The following ASNS variants were observed in gnomAD, a reference collection of about 807,000 sequenced individuals.
ASNS encodes asparagine synthetase [glutamine-hydrolyzing].
In ASNS, 37 loss-of-function variants were observed where a neutral mutation model predicts 62.6. That is an observed-to-expected ratio of 0.59 (90% confidence interval 0.45 to 0.78). ASNS has a LOEUF of 0.78. Among genes scored for constraint, ASNS ranks in the 30% least tolerant of loss-of-function variants. ASNS has a pLI of 0.00. For missense variants in ASNS, 520 were observed against 682.4 expected, an observed-to-expected ratio of 0.76 and a Z score of 2.65; for synonymous variants, 207 against 237.9, an observed-to-expected ratio of 0.87 and a Z score of 1.19.
chr7:97,869,158 G>C lies in ASNS; in HGVS notation c.-2C>G, dbSNP rs533879154. On this transcript the variant is annotated 5_prime_UTR_variant, in exon 3 of 13. Transcript: ENST00000394308. ...AAACAGCGCCCAAATGCCACACATG[G>C]TGCAATGAAGCTATAAGCTTTCTAT... 6.2e-7 allele frequency: 1 copy of C among 1,613,520 alleles called. No individual in the cohort carries two copies. The highest frequency in any genetic ancestry group is 1.3e-5 in the African/African-American group (1 of 75,044).
At chr7:97,925,547 C>G in the ASNS span, among the ~76,000 whole-genome samples, 1 of 152,106 alleles carries the variant, frequency 6.6e-6, no homozygotes, top group Non-Finnish European at 1.5e-5. Flanking sequence ...ACGGCCCCAC[C>G]ACCACCACCA....
At chr7:97,925,186 T>C in the ASNS span, among the ~76,000 whole-genome samples, 2 of 152,236 alleles carry the variant, frequency 1.3e-5, no homozygotes, top group African/African-American at 4.8e-5. Flanking sequence ...TTCCATGTAC[T>C]GTCTTATTAT....
the ASNS span, among the ~76,000 whole-genome samples, chr7:97,911,269 A>G: frequency 6.6e-6 from 1 of 152,156 alleles, no homozygotes; most frequent in South Asian, 2.1e-4. Context: ...AATCTATGTG[A>G]TGGGTATATG....
chr7:97,870,279 A>G, intron 1 of ASNS: 2 of 604,792 alleles, frequency 3.3e-6, no homozygotes, highest in South Asian at 2.4e-5. Flanking sequence ...GAGAATGTCA[A>G]TGGATACACC....
the ASNS span, among the ~76,000 whole-genome samples, chr7:97,916,072 G>A: frequency 6.6e-6 from 1 of 152,152 alleles, no homozygotes. Context: ...TTGAAGTCAT[G>A]ATAAGTATCC....
At chr7:97,885,919 TCTC>T in the ASNS span, 4 of 538,632 alleles carry the variant, frequency 7.4e-6, no homozygotes, top group African/African-American at 2.0e-5. Context: ...AATGATGGGC[TCTC>T]CTCCTCCTGG....
chr7:97,913,128 G>A, the ASNS span: 1 of 152,104 alleles, frequency 6.6e-6, no homozygotes, highest in Non-Finnish European at 1.5e-5. Flanking sequence ...CAGAGGACAT[G>A]TGAGGACAGG....
At chr7:97,924,308 G>A in the ASNS span, among the ~76,000 whole-genome samples, 1 of 152,198 alleles carries the variant, frequency 6.6e-6, no homozygotes, top group Non-Finnish European at 1.5e-5. Flanking sequence ...AGGGGGGGAT[G>A]CGAGAACTTC....
chr7:97,862,443 TG>T (rs1409927737), intron 4 of ASNS, among the ~76,000 whole-genome samples: 1 of 152,056 alleles, frequency 6.6e-6, no homozygotes, highest in Non-Finnish European at 1.5e-5. Flanking sequence ...CAGTAATGAC[TG>T]GGGGGTTAGG....
At chr7:97,883,713 C>T in the ASNS span, among the ~76,000 whole-genome samples, 27 of 152,286 alleles carry the variant, frequency 1.8e-4, no homozygotes, top group South Asian at 8.3e-4. Context: ...CTCGGCCGGG[C>T]GCGGTGGCTC....
chr7:97,917,031 A>T, the ASNS span, among the ~76,000 whole-genome samples: 3 of 152,070 alleles, frequency 2.0e-5, no homozygotes, highest in Non-Finnish European at 2.9e-5. Context: ...CCATCCTGGC[A>T]CCTACAGACA....
intron 4 of ASNS, among the ~76,000 whole-genome samples, chr7:97,861,078 G>A (rs1205759963): frequency 7.0e-6 from 1 of 143,606 alleles, no homozygotes; most frequent in African/African-American, 2.6e-5. Context: ...CTGGAGTGCA[G>A]TTGCGCGATC....
the ASNS span, among the ~76,000 whole-genome samples, chr7:97,896,756 A>ATATATATACTGCAG: frequency 9.7e-6 from 1 of 103,604 alleles, no homozygotes; most frequent in Non-Finnish European, 2.1e-5. Flanking sequence ...ATATATATAT[A>ATATATATACTGCAG]TATATATATA....
the ASNS span, among the ~76,000 whole-genome samples, chr7:97,888,866 G>A: frequency 3.9e-4 from 59 of 152,310 alleles, no homozygotes; most frequent in Non-Finnish European, 1.0e-4. Flanking sequence ...TGACTCATCT[G>A]CCTCCAGAGC....
At chr7:97,860,480 G>A (rs1791662079) in intron 4 of ASNS, among the ~76,000 whole-genome samples, 1 of 152,134 alleles carries the variant, frequency 6.6e-6, no homozygotes, top group South Asian at 2.1e-4. Context: ...AGCAGTCCTG[G>A]CAACTGACAT....
the ASNS span, among the ~76,000 whole-genome samples, chr7:97,924,300 G>C: frequency 2.0e-5 from 3 of 152,172 alleles, no homozygotes; most frequent in African/African-American, 4.8e-5. Context: ...TTTCGGCCAG[G>C]GGGGGATGCG....
chr7:97,876,207 G>C (rs1385678097), upstream of ASNS, among the ~76,000 whole-genome samples: 1 of 152,156 alleles, frequency 6.6e-6, no homozygotes, highest in Non-Finnish European at 1.5e-5. Flanking sequence ...TTAGTCTGAG[G>C]ACTGTATGAT....
At chr7:97,888,037 C>T in the ASNS span, among the ~76,000 whole-genome samples, 1 of 152,206 alleles carries the variant, frequency 6.6e-6, no homozygotes, top group African/African-American at 2.4e-5. Context: ...ACAAATGGTA[C>T]AGTCAGAGCT....
chr7:97,910,898 C>G, the ASNS span, among the ~76,000 whole-genome samples: 4 of 152,162 alleles, frequency 2.6e-5, no homozygotes, highest in Non-Finnish European at 5.9e-5. Context: ...CCACGCCTAG[C>G]CTTAGACTTT....
Sources: allele counts gnomAD v4.1 joint callset (sites outside exome capture counted in the v4.1 genomes callset), GRCh38; gene constraint gnomAD v4.1.1; transcripts MANE v1.5; gene names NCBI Gene and HGNC (gene_info 2026-07-23, HGNC 2026-07-21).